Variants in DPH1 observed in about 807,000 individuals in gnomAD.
DPH1 encodes diphthamide biosynthesis 1.
In DPH1, 59 loss-of-function variants were observed where a neutral mutation model predicts 55.3. The ratio of observed to expected loss-of-function variants is 1.07; its 90% confidence interval spans 0.87 to 1.33. DPH1 has a LOEUF of 1.33. DPH1 is among the 40% of genes most tolerant of loss of function. The pLI is 0.00. For synonymous variants in DPH1, 238 were observed against 235.5 expected (o/e 1.01, Z -0.10); for missense variants, 628 against 584.8 (o/e 1.07, Z -0.76).
chr17:2,031,361 G>A (rs1211860208), intron 1 of DPH1, among the ~76,000 whole-genome samples: 2 of 152,058 alleles, frequency 1.3e-5, no homozygotes, highest in African/African-American at 4.8e-5. Flanking sequence ...AGGAGTTTGA[G>A]ACCAGCCTGG....
chr17:2,043,209 C>G lies in DPH1; in HGVS notation c.*623C>G, dbSNP rs1051322. On this transcript the variant is annotated 3_prime_UTR_variant, in exon 13 of 13. Coordinates refer to ENST00000263083, the MANE Select transcript of DPH1 (RefSeq NM_001383.6). Reference sequence around the variant, plus strand: ...CACTCACTGCTGTGAGTGCGCCTCACCAGAACCAGTTAAGAGACAACTATC... The same window carrying G: ...CACTCACTGCTGTGAGTGCGCCTCAGCAGAACCAGTTAAGAGACAACTATC... 0.17 allele frequency: 236,184 copies of G among 1,351,130 alleles called. 22,442 individuals carry two copies. The highest frequency in any genetic ancestry group is 0.22 in the Middle Eastern group (1,101 of 4,946). 83.7% of individuals were successfully genotyped at this position (1,351,130 alleles called of 1,614,324 possible).
intron 2 of DPH1, 56 bp from the exon 3 acceptor site, chr17:2,033,723 C>A: frequency 3.1e-6 from 5 of 1,613,704 alleles, no homozygotes; most frequent in Non-Finnish European, 4.2e-6. Flanking sequence ...GGGACAGTGT[C>A]CCCCTTGCAG....
rs1160426631 is a variant in DPH1, at chr17:2,040,192, A to G, written c.750-26A>G. ...TACTGGTCCTGACAGTGGCTGCCAC[A>G]GTGACCCTGACTGCTTCTTTTCCAG... is the stretch of plus-strand genomic sequence containing the variant. On this transcript the variant is annotated intron_variant, in intron 7 of 12. Coordinates refer to ENST00000263083, the MANE Select transcript of DPH1 (RefSeq NM_001383.6). 5 of 1,612,130 alleles carry G rather than the reference A, an allele frequency of 3.1e-6. No homozygotes were observed. In the East Asian group the frequency reaches 6.7e-5, roughly 22 times the overall value.
At chr17:2,040,884 A>T in intron 9 of DPH1, 2 of 636,260 alleles carry the variant, frequency 3.1e-6, no homozygotes. Context: ...GGATACTATC[A>T]CCAGTGAGCT....
Position 2,030,175 on chromosome 17 carries a change from G to A in DPH1, c.6G>A (p.Ala2=), listed in dbSNP as rs764601941. ...ACCACATGCGCAGGCAGGTGATGGC[G>A]GCGCTGGTCGTATCCGGGGCAGCGG... M[A]ALVVSGAAEQ... is the part of the protein sequence containing the mutation. The change falls in exon 1 of 13, where the codon GCG becomes GCA. Residue 2 remains alanine, a synonymous_variant. Coordinates refer to ENST00000263083, the MANE Select transcript of DPH1 (RefSeq NM_001383.6). The A allele has an allele frequency of 9.4e-6, 15 of 1,603,096 alleles. No individual in the cohort carries two copies. The East Asian group carries it at 3.1e-4, about 34-fold the overall frequency.
rs1187283165 is a variant in DPH1, at chr17:2,036,798, C to T, written c.559-37C>T. 6.2e-7 allele frequency: 1 copy of T among 1,610,314 alleles called. No individual in the cohort carries two copies. The highest frequency in any genetic ancestry group is 8.5e-7 in the Non-Finnish European group (1 of 1,178,196). On this transcript the variant is annotated intron_variant, in intron 5 of 12. Coordinates refer to ENST00000263083, the MANE Select transcript of DPH1 (RefSeq NM_001383.6). The surrounding 1 kb of genome is among the most constrained non-coding windows in gnomAD (Gnocchi z 4.8). ...GTTTCTCAGCCCTGGCTCTCCTGCCCCAGCCGCTGGCTTCACTTCCCTCGT... is the reference window on the plus strand; with the variant it reads ...GTTTCTCAGCCCTGGCTCTCCTGCCTCAGCCGCTGGCTTCACTTCCCTCGT...
chr17:2,040,277 C>G lies in DPH1; in HGVS notation c.809C>G (p.Ala270Gly). The change falls in exon 8 of 13, where the codon GCT (alanine) becomes GGT (glycine). Residue 270 changes from alanine (A) to glycine (G), a missense_variant. By Grantham distance (60) the Ala-to-Gly change is moderately conservative. Transcript: ENST00000263083. ...REHYDHQRMQAARQEAIATAR... is the reference protein window; with the variant it reads ...REHYDHQRMQGARQEAIATAR... ...CACTATGACCACCAGCGCATGCAGG[C>G]TGCTCGCCAAGAAGCCATAGCCACT... 6.2e-7 allele frequency: 1 copy of G among 1,614,082 alleles called. No individual in the cohort carries two copies.
chr17:2,033,583 G>T lies in DPH1; in HGVS notation c.140G>T (p.Arg47Leu). 6.2e-7 allele frequency: 1 copy of T among 1,614,202 alleles called. No individual in the cohort carries two copies. The highest frequency in any genetic ancestry group is 2.2e-5 in the East Asian group (1 of 44,874). Residue 47 changes from arginine (R) to leucine (L), a missense_variant, in exon 2 of 13, where the codon CGG becomes CTG. Physicochemically the swap from Arg to Leu is moderately radical, Grantham distance 102 (BLOSUM62 -2). Coordinates refer to ENST00000263083, the MANE Select transcript of DPH1 (RefSeq NM_001383.6). ...LKNPQLQAAI[R>L]VLPSNYNFEI... ...AACCCTCAGCTGCAGGCAGCAATCC[G>T]GGTCCTGCCTTCCAACTACAACTTT...
intron 9 of DPH1, 129 bp downstream of exon 9, chr17:2,040,734 C>T: frequency 9.4e-7 from 1 of 1,066,314 alleles, no homozygotes; most frequent in South Asian, 1.4e-5. Context: ...ACAGAGACCT[C>T]CCTGGGAGGG....
intron 1 of DPH1, among the ~76,000 whole-genome samples, chr17:2,031,565 C>CAA (rs56410346): frequency 0.27 from 18,510 of 69,156 alleles, 2,965 homozygotes; most frequent in Middle Eastern, 0.32. Context: ...GACTCTGTCT[C>CAA]AAAAAAAAAA....
chr17:2,041,313 G>T (rs1011321168), intron 10 of DPH1, 132 bp downstream of exon 10: 3 of 1,454,338 alleles, frequency 2.1e-6, no homozygotes, highest in Non-Finnish European at 9.4e-7. Flanking sequence ...TTTCTCCAGC[G>T]GAGTCACTTC....
intron 9 of DPH1, 129 bp from the exon 10 acceptor site, chr17:2,040,974 T>C (rs553332168): frequency 2.3e-4 from 213 of 909,250 alleles, no homozygotes; most frequent in South Asian, 1.2e-3. Flanking sequence ...AGTGGGTCAC[T>C]GTCTTTACTT....
In DPH1 at chr17:2,033,550, T is replaced by G; in HGVS notation, c.107T>G (p.Ile36Ser). 6.2e-7 allele frequency: 1 copy of G among 1,614,148 alleles called. No individual in the cohort carries two copies. Among genetic ancestry groups the G allele is most frequent in the Admixed American group, 1.7e-5 (1 of 60,022 alleles). ...GRVANQIPPE[I>S]LKNPQLQAAI... Reference sequence around the variant, plus strand: ...GTGGCCAATCAGATCCCCCCTGAGATCCTGAAGAACCCTCAGCTGCAGGCA... The same window carrying G: ...GTGGCCAATCAGATCCCCCCTGAGAGCCTGAAGAACCCTCAGCTGCAGGCA... The change falls in exon 2 of 13, where the codon ATC (isoleucine) becomes AGC (serine). Residue 36 changes from isoleucine to serine, a missense_variant. Ile to Ser is a moderately radical substitution (Grantham distance 142, BLOSUM62 -2). Transcript: ENST00000263083.
Position 2,039,751 on chromosome 17 carries a change from G to A in DPH1, c.681-4G>A. ...CACACTTAGCCTCCTTTCCACCCCT[G>A]CAGGTATCTTGGAGATGGCCGCTTC... On this transcript the variant is annotated splice_region_variant and splice_polypyrimidine_tract_variant and intron_variant, in intron 6 of 12. Transcript: ENST00000263083. 6.2e-7 allele frequency: 1 copy of A among 1,614,144 alleles called. No individual in the cohort carries two copies. The highest frequency in any genetic ancestry group is 8.5e-7 in the Non-Finnish European group (1 of 1,180,028).
At chr17:2,033,223 T>C (rs189979908) in intron 1 of DPH1, among the ~76,000 whole-genome samples, 27 of 152,294 alleles carry the variant, frequency 1.8e-4, no homozygotes, top group Non-Finnish European at 2.2e-4. Context: ...TAGGGATATA[T>C]GTCAAGGTGT....
At position 2,042,636 on chromosome 17, in the gene DPH1, C is replaced by G. The variant is rs750294111; in HGVS notation, c.*50C>G. 9 of 1,520,512 alleles carry G rather than the reference C, an allele frequency of 5.9e-6. No homozygotes were observed. In the East Asian group the frequency reaches 1.8e-4, roughly 31 times the overall value. The allele number at this position is 1,520,512 out of a possible 1,614,324, so 94.2% of individuals were successfully genotyped here. A position where few individuals can be genotyped will look rare whatever the true frequency, so the allele number is the denominator to read the frequency against. On this transcript the variant is annotated 3_prime_UTR_variant, in exon 13 of 13. Coordinates refer to ENST00000263083, the MANE Select transcript of DPH1 (RefSeq NM_001383.6). ...GCCCTCCGGAGGAGCAGCCTCGAGG[C>G]TGGTGGTTTTCAGAGCAGGAGGCCG...
At position 2,036,762 on chromosome 17, in the gene DPH1, T is replaced by A; in HGVS notation, c.559-73T>A. 1 of 1,606,366 alleles carries A rather than the reference T, an allele frequency of 6.2e-7. No homozygotes were observed. The highest frequency in any genetic ancestry group is 8.5e-7 in the Non-Finnish European group (1 of 1,175,060). ...CTCCAGCTGTTGCGGGATCCCCAGGTGCTCCAGGCTGTTTCTCAGCCCTGG... is the reference window on the plus strand; with the variant it reads ...CTCCAGCTGTTGCGGGATCCCCAGGAGCTCCAGGCTGTTTCTCAGCCCTGG... On this transcript the variant is annotated intron_variant, in intron 5 of 12. Transcript: ENST00000263083. The surrounding 1 kb of genome is among the most constrained non-coding windows in gnomAD (Gnocchi z 4.8).
chr17:2,040,723 TAC>T, intron 9 of DPH1, 118 bp downstream of exon 9: 1 of 1,186,338 alleles, frequency 8.4e-7, no homozygotes, highest in Non-Finnish European at 1.2e-6. Context: ...TTTTACTGTT[TAC>T]AGAGACCTCC....
At position 2,040,616 on chromosome 17, in the gene DPH1, G is replaced by A. The variant is rs1342461436; in HGVS notation, c.1007+11G>A. 6.2e-7 allele frequency: 1 copy of A among 1,612,882 alleles called. No individual in the cohort carries two copies. Among genetic ancestry groups the A allele is most frequent in the Non-Finnish European group, 8.5e-7 (1 of 1,178,902 alleles). ...TCCTGAGGTGGATGTGTGAGTATCT[G>A]CCTGGCTATGACTGGCTAAAGAAGC... On this transcript the variant is annotated intron_variant, in intron 9 of 12. Transcript: ENST00000263083.
Sources: allele counts gnomAD v4.1 joint callset (sites outside exome capture counted in the v4.1 genomes callset), GRCh38; gene constraint gnomAD v4.1.1; non-coding constraint Gnocchi (gnomAD v3.1); transcripts MANE v1.5; gene names NCBI Gene and HGNC (gene_info 2026-07-23, HGNC 2026-07-21).